The following KIAA1671 variants were observed in gnomAD, a reference collection of about 807,000 sequenced individuals.
KIAA1671 encodes the protein uncharacterized protein KIAA1671.
In KIAA1671, 52 loss-of-function variants were observed where a neutral mutation model predicts 131.2. That is an observed-to-expected ratio of 0.40 (90% CI 0.32 to 0.50). KIAA1671 has a LOEUF of 0.50. Among genes scored for constraint, KIAA1671 ranks in the 20% least tolerant of loss-of-function variants. The pLI is 0.73. For synonymous variants in KIAA1671, 1,003 were observed against 961.6 expected (o/e 1.04, Z -0.80); for missense variants, 2,360 against 2,364.2 (o/e 1.00, Z 0.04).
intron 6 of KIAA1671, among the ~76,000 whole-genome samples, chr22:25,076,703 G>T (rs570085016): frequency 6.6e-5 from 10 of 152,232 alleles, no homozygotes; most frequent in Non-Finnish European, 1.5e-4. Context: ...CTTGCTAGGG[G>T]CATCAAGCTG....
At chr22:25,179,500 C>G in intron 9 of KIAA1671, 1 of 1,612,166 alleles carries the variant, frequency 6.2e-7, no homozygotes, top group Non-Finnish European at 8.5e-7. Context: ...TGTGCAGCAC[C>G]TCCCGCTCGT....
At chr22:25,036,744 C>A (rs1170381217) in intron 4 of KIAA1671, among the ~76,000 whole-genome samples, 4 of 151,762 alleles carry the variant, frequency 2.6e-5, no homozygotes, top group African/African-American at 4.8e-5. Context: ...CATGGAGAAA[C>A]CCCATCTGTA....
chr22:25,143,417 T>G (rs986246955), intron 6 of KIAA1671, among the ~76,000 whole-genome samples: 2 of 152,234 alleles, frequency 1.3e-5, no homozygotes, highest in East Asian at 3.8e-4. Flanking sequence ...TATTTGAGGA[T>G]GTTAACATGT....
intron 1 of KIAA1671, among the ~76,000 whole-genome samples, chr22:24,958,652 TAA>T (rs60645201): frequency 3.7e-4 from 44 of 119,414 alleles, no homozygotes; most frequent in Non-Finnish European, 5.0e-4. Context: ...CTCTGTCTCT[TAA>T]AAAAAAAAAA....
At chr22:25,000,963 G>A (rs569888340) in intron 1 of KIAA1671, among the ~76,000 whole-genome samples, 2 of 151,962 alleles carry the variant, frequency 1.3e-5, no homozygotes, top group Admixed American at 6.6e-5. Context: ...GTGTTTTCCC[G>A]ATGACCAGTG....
At chr22:25,099,000 G>A (rs1334885131) in intron 6 of KIAA1671, among the ~76,000 whole-genome samples, 2 of 152,182 alleles carry the variant, frequency 1.3e-5, no homozygotes, top group Non-Finnish European at 2.9e-5. Flanking sequence ...GCTATGAGAT[G>A]AGAGAGAGGT....
At position 25,177,171 on chromosome 22, in the gene KIAA1671, T is replaced by C. The variant is rs540435838; in HGVS notation, c.4900-177T>C. 457 of 626,806 alleles carry C rather than the reference T, an allele frequency of 7.3e-4. 4 individuals are homozygous for C. In the South Asian group the frequency reaches 9.6e-3, roughly 13 times the overall value. 38.8% of individuals were successfully genotyped at this position (626,806 alleles called of 1,614,324 possible). ...TCATCAGCCTATGGGGTATGTTTTA[T>C]GGGGAAATTTAGGCTTTGGGTGTTA... On this transcript the variant is annotated intron_variant, in intron 8 of 12. Transcript: ENST00000358431.
intron 6 of KIAA1671, among the ~76,000 whole-genome samples, chr22:25,116,141 C>T (rs71321022): frequency 6.6e-6 from 1 of 152,066 alleles, no homozygotes; most frequent in Non-Finnish European, 1.5e-5. Context: ...TGGAGTGGCA[C>T]GATCATAGCT....
chr22:25,151,077 G>A (rs1393030949), intron 6 of KIAA1671, among the ~76,000 whole-genome samples: 1 of 151,580 alleles, frequency 6.6e-6, no homozygotes, highest in African/African-American at 2.4e-5. Flanking sequence ...CTCATGATCC[G>A]CCTGCCTCGG....
chr22:25,123,209 T>C (rs2145931753), intron 6 of KIAA1671, among the ~76,000 whole-genome samples: 1 of 144,340 alleles, frequency 6.9e-6, no homozygotes, highest in East Asian at 2.1e-4. Flanking sequence ...TTTTTTTTTT[T>C]TTTTTGAGAT....
intron 6 of KIAA1671, among the ~76,000 whole-genome samples, chr22:25,098,126 A>G (rs1406615570): frequency 6.6e-6 from 1 of 152,222 alleles, no homozygotes; most frequent in East Asian, 1.9e-4. Context: ...CAAAGAGAAC[A>G]CTGTGATGGG....
chr22:25,172,400 G>A (rs1209646555), intron 7 of KIAA1671, among the ~76,000 whole-genome samples: 1 of 152,210 alleles, frequency 6.6e-6, no homozygotes, highest in Non-Finnish European at 1.5e-5. Context: ...CTGTCTCTCA[G>A]TGCTGTTACC....
chr22:25,135,324 T>C (rs1407472747), intron 6 of KIAA1671, among the ~76,000 whole-genome samples: 2 of 152,216 alleles, frequency 1.3e-5, no homozygotes, highest in African/African-American at 4.8e-5. Flanking sequence ...TAGCTGGGAC[T>C]ACAGGCGCCC....
intron 1 of KIAA1671, among the ~76,000 whole-genome samples, chr22:25,008,890 G>A (rs1924883971): frequency 6.6e-6 from 1 of 152,238 alleles, no homozygotes; most frequent in Non-Finnish European, 1.5e-5. Flanking sequence ...TAGGTCTGTT[G>A]TCATGCCCTG....
intron 1 of KIAA1671, among the ~76,000 whole-genome samples, chr22:24,985,104 A>T (rs1303181064): frequency 6.6e-6 from 1 of 151,700 alleles, no homozygotes; most frequent in Non-Finnish European, 1.5e-5. Flanking sequence ...ATTCATGTGG[A>T]AAAGAGCTTT....
In KIAA1671 at chr22:25,055,777, A is replaced by G. The variant is rs1455842707; in HGVS notation, c.4530+6413A>G. 7 of 142,322 alleles carry G rather than the reference A, an allele frequency of 4.9e-5. 2 individuals carry two copies. The highest frequency in any genetic ancestry group is 6.2e-5 in the Non-Finnish European group (4 of 64,384). 8.8% of individuals were successfully genotyped at this position (142,322 alleles called of 1,614,324 possible). ...TGAGTTGTAGGAATACATACACACA[A>G]ACATATATATAGATAGATATAGATA... On this transcript the variant is annotated intron_variant, in intron 6 of 12. Transcript: ENST00000358431.
chr22:25,187,611 GA>G (rs1405297051), intron 11 of KIAA1671, among the ~76,000 whole-genome samples: 1 of 152,112 alleles, frequency 6.6e-6, no homozygotes, highest in Non-Finnish European at 1.5e-5. Context: ...AGTCTCAGGT[GA>G]ATCCTCCCAC....
intron 6 of KIAA1671, among the ~76,000 whole-genome samples, chr22:25,150,157 G>T (rs1338628393): frequency 2.0e-5 from 3 of 152,246 alleles, no homozygotes; most frequent in African/African-American, 4.8e-5. Context: ...CAACCTCTGA[G>T]CTCCCTCTCT....
At chr22:25,029,810 C>A (rs957826324) in intron 3 of KIAA1671, among the ~76,000 whole-genome samples, 2 of 152,116 alleles carry the variant, frequency 1.3e-5, no homozygotes, top group African/African-American at 4.8e-5. Context: ...GTGAAGTGGG[C>A]GGTATGTGCC....
Sources: gnomAD v4.1 joint callset for allele counts (sites outside exome capture counted in the v4.1 genomes callset) on GRCh38, gnomAD v4.1.1 for gene constraint, MANE v1.5 for transcripts, NCBI Gene and HGNC (gene_info 2026-07-23, HGNC 2026-07-21) for gene names.